Variants in EYS observed in about 807,000 individuals in gnomAD.
The protein encoded by EYS is protein eyes shut homolog.
In EYS, 250 loss-of-function variants were observed where a neutral mutation model predicts 282.1. The observed-to-expected ratio is 0.89, with a 90% CI of 0.80 to 0.98. The LOEUF (loss-of-function observed/expected upper bound fraction) is 0.98, where lower values mean the gene tolerates loss of function less well. EYS is among the 50% of genes least tolerant of loss of function. The pLI is 0.00. For synonymous variants in EYS, 1,355 were observed against 1,282.9 expected, an observed-to-expected ratio of 1.06 and a Z score of -1.20; for missense variants, 4,016 against 3,709.0, an observed-to-expected ratio of 1.08 and a Z score of -2.15.
intron 30 of EYS, among the ~76,000 whole-genome samples, chr6:64,253,508 G>A (rs1444224944): frequency 6.6e-6 from 1 of 152,034 alleles, no homozygotes; most frequent in Non-Finnish European, 1.5e-5. Context: ...TATCGTCGTG[G>A]GTCACTGTCA....
intron 15 of EYS, among the ~76,000 whole-genome samples, chr6:64,922,654 T>C (rs1185792880): frequency 6.6e-6 from 1 of 152,166 alleles, no homozygotes; most frequent in African/African-American, 2.4e-5. Flanking sequence ...GGCCCTTTTG[T>C]TTCCTCTCCA....
intron 12 of EYS, among the ~76,000 whole-genome samples, chr6:65,077,048 T>C (rs1180126628): frequency 6.6e-6 from 1 of 151,692 alleles, no homozygotes; most frequent in Non-Finnish European, 1.5e-5. Flanking sequence ...AAGTCAACGA[T>C]TAGTGGGGAT....
intron 7 of EYS, among the ~76,000 whole-genome samples, chr6:65,388,885 G>A (rs888079302): frequency 2.9e-4 from 44 of 151,842 alleles, no homozygotes; most frequent in Admixed American, 1.1e-3. Context: ...AGTTTCTCAG[G>A]TCAAAAACTA....
At chr6:65,464,696 A>C (rs910086205) in intron 5 of EYS, among the ~76,000 whole-genome samples, 7 of 152,136 alleles carry the variant, frequency 4.6e-5, no homozygotes, top group African/African-American at 1.4e-4. Context: ...ATGATACTCC[A>C]AGTGAGCATA....
chr6:64,478,767 T>C (rs1237696361), intron 26 of EYS, among the ~76,000 whole-genome samples: 1 of 151,134 alleles, frequency 6.6e-6, no homozygotes, highest in African/African-American at 2.4e-5. Context: ...TGTTTAACTC[T>C]ATTATTTAAA....
chr6:63,761,546 ATAT>A (rs1172013013), intron 41 of EYS, among the ~76,000 whole-genome samples: 3 of 152,070 alleles, frequency 2.0e-5, no homozygotes, highest in African/African-American at 4.8e-5. Flanking sequence ...TGATCTAGAA[ATAT>A]TATTTTTTTC....
At chr6:64,311,035 T>G (rs1242669454) in intron 29 of EYS, among the ~76,000 whole-genome samples, 1 of 151,970 alleles carries the variant, frequency 6.6e-6, no homozygotes, top group Non-Finnish European at 1.5e-5. Context: ...TTTTATTTAA[T>G]GTATTTAGTT....
At chr6:64,877,687 A>G (rs925869678) in intron 19 of EYS, among the ~76,000 whole-genome samples, 1 of 152,174 alleles carries the variant, frequency 6.6e-6, no homozygotes, top group Non-Finnish European at 1.5e-5. Flanking sequence ...TAATCTTGGG[A>G]TTAAAGCATG....
intron 29 of EYS, among the ~76,000 whole-genome samples, chr6:64,322,101 G>A (rs370615552): frequency 1.3e-5 from 2 of 151,884 alleles, no homozygotes; most frequent in East Asian, 3.9e-4. Flanking sequence ...GCACATACTC[G>A]GTAGTAAGCA....
chr6:64,154,943 A>C (rs1045488657), intron 31 of EYS, among the ~76,000 whole-genome samples: 15 of 152,180 alleles, frequency 9.9e-5, no homozygotes, highest in African/African-American at 3.6e-4. Flanking sequence ...TTCCAATCAC[A>C]GCCACCTATT....
chr6:65,543,462 A>G (rs1768256238), intron 2 of EYS, among the ~76,000 whole-genome samples: 1 of 148,208 alleles, frequency 6.7e-6, no homozygotes, highest in Non-Finnish European at 1.5e-5. Flanking sequence ...CTATTTATAT[A>G]TTAATTATGT....
chr6:64,497,591 T>C lies in EYS; in HGVS notation c.5645-58239A>G, dbSNP rs139975254. Among the ~76,000 whole-genome samples, 590 of 152,186 alleles carry C rather than the reference T, an allele frequency of 3.9e-3. 3 individuals carry two copies. The Middle Eastern group carries it at 0.044, about 11-fold the overall frequency. ...GGGAAGAGGTATTAGAATTAGATTA[T>C]ACTGAAAAGTGTAGGTAGAGGGGTG... is the stretch of plus-strand genomic sequence containing the variant. On this transcript the variant is annotated intron_variant, in intron 26 of 42. Transcript: ENST00000503581.
At chr6:64,986,928 T>C (rs1001029765) in intron 14 of EYS, among the ~76,000 whole-genome samples, 1 of 151,390 alleles carries the variant, frequency 6.6e-6, no homozygotes, top group East Asian at 1.9e-4. Flanking sequence ...GCTCATTGAA[T>C]TGGCAAACCT....
chr6:64,482,884 A>C (rs1776477382), intron 26 of EYS, among the ~76,000 whole-genome samples: 1 of 151,606 alleles, frequency 6.6e-6, no homozygotes, highest in African/African-American at 2.4e-5. Context: ...TTCCTCAAAT[A>C]AAGTATTTTC....
At chr6:64,622,056 C>T (rs1221278119) in intron 23 of EYS, among the ~76,000 whole-genome samples, 1 of 152,096 alleles carries the variant, frequency 6.6e-6, no homozygotes, top group Non-Finnish European at 1.5e-5. Flanking sequence ...CTCAAAAACC[C>T]ATTTAATTCC....
chr6:64,426,283 A>G (rs1286071962), intron 28 of EYS, among the ~76,000 whole-genome samples: 4 of 152,214 alleles, frequency 2.6e-5, no homozygotes, highest in Non-Finnish European at 5.9e-5. Flanking sequence ...GTCATAACTA[A>G]CAACACTCTT....
At chr6:64,822,568 T>C (rs1764930699) in intron 20 of EYS, 83 bp downstream of exon 20, 1 of 1,147,534 alleles carries the variant, frequency 8.7e-7, no homozygotes, top group African/African-American at 1.6e-5. Flanking sequence ...AAATTATCTT[T>C]ATCAACTTTC....
chr6:65,584,362 C>T (rs187455217), intron 2 of EYS, among the ~76,000 whole-genome samples: 24 of 152,124 alleles, frequency 1.6e-4, no homozygotes, highest in African/African-American at 5.8e-4. Flanking sequence ...CTCCACACAA[C>T]AGAAAATTAT....
intron 2 of EYS, among the ~76,000 whole-genome samples, chr6:65,607,136 C>A (rs925952455): frequency 6.6e-6 from 1 of 151,688 alleles, no homozygotes; most frequent in African/African-American, 2.4e-5. Flanking sequence ...ACTTTAAATT[C>A]TCTCTCAACC....
Sources: gnomAD v4.1 joint callset for allele counts (sites outside exome capture counted in the v4.1 genomes callset) on GRCh38, gnomAD v4.1.1 for gene constraint, MANE v1.5 for transcripts, NCBI Gene and HGNC (gene_info 2026-07-23, HGNC 2026-07-21) for gene names.